The following DIP2C variants were observed in gnomAD, a reference collection of about 807,000 sequenced individuals.
The protein encoded by DIP2C is disco-interacting protein 2 homolog C.
DIP2C carries 33 observed loss-of-function variants against 192.4 expected under a neutral mutation model. That is an observed-to-expected ratio of 0.17 (90% CI 0.13 to 0.23). DIP2C has a LOEUF of 0.23. Among genes scored for constraint, DIP2C ranks in the 10% least tolerant of loss-of-function variants. DIP2C has a pLI of 1.00. For synonymous variants in DIP2C, 979 were observed against 864.1 expected (o/e 1.13, Z -2.33); for missense variants, 1,537 against 2,110.1 (o/e 0.73, Z 5.32).
At chr10:458,661 GT>G (rs1969504869) in intron 3 of DIP2C, among the ~76,000 whole-genome samples, 1 of 151,578 alleles carries the variant, frequency 6.6e-6, no homozygotes, top group Non-Finnish European at 1.5e-5. Context: ...CAAGGAGGAT[GT>G]CCTCTACATT....
intron 1 of DIP2C, among the ~76,000 whole-genome samples, chr10:573,652 C>T (rs1849962679): frequency 6.6e-6 from 1 of 152,150 alleles, no homozygotes; most frequent in Non-Finnish European, 1.5e-5. Context: ...TCAAGCAATC[C>T]GCCCGCCTCG....
intron 29 of DIP2C, among the ~76,000 whole-genome samples, chr10:331,482 T>C (rs1040453651): frequency 5.9e-5 from 9 of 152,216 alleles, no homozygotes; most frequent in African/African-American, 1.7e-4. Flanking sequence ...ATCAAAGATA[T>C]TCATGAAAAA....
At chr10:649,856 C>A in intron 1 of DIP2C, 1 of 518,916 alleles carries the variant, frequency 1.9e-6, no homozygotes. Context: ...GTAAGAGAAG[C>A]ATGCCTTATT....
At chr10:554,504 TAA>T (rs1564843841) in intron 1 of DIP2C, among the ~76,000 whole-genome samples, 2 of 152,240 alleles carry the variant, frequency 1.3e-5, no homozygotes, top group African/African-American at 4.8e-5. Flanking sequence ...TTATAAGTTA[TAA>T]AATAACTTAA....
chr10:306,741 G>T (rs532159397), intron 32 of DIP2C, among the ~76,000 whole-genome samples: 1 of 152,230 alleles, frequency 6.6e-6, no homozygotes, highest in Non-Finnish European at 1.5e-5. Flanking sequence ...TGGATCAGAA[G>T]AGGTGAGTCC....
At chr10:278,301 C>T (rs779824277) in intron 36 of DIP2C, among the ~76,000 whole-genome samples, 2 of 152,368 alleles carry the variant, frequency 1.3e-5, no homozygotes, top group African/African-American at 2.4e-5. Context: ...CTGTGCAGTG[C>T]GCCTGAGTGG....
intron 3 of DIP2C, among the ~76,000 whole-genome samples, chr10:460,445 T>C (rs893321762): frequency 6.6e-6 from 1 of 152,202 alleles, no homozygotes; most frequent in Non-Finnish European, 1.5e-5. Flanking sequence ...AGAGCTTTCA[T>C]AAGAATTCAT....
chr10:593,337 G>A (rs1457132485), intron 1 of DIP2C, among the ~76,000 whole-genome samples: 1 of 152,104 alleles, frequency 6.6e-6, no homozygotes, highest in Admixed American at 6.5e-5. Flanking sequence ...GTTTACCCCA[G>A]AGAGTCCCAA....
chr10:278,669 G>T (rs1329916667), intron 36 of DIP2C, among the ~76,000 whole-genome samples: 1 of 152,232 alleles, frequency 6.6e-6, no homozygotes, highest in East Asian at 1.9e-4. Context: ...CTGGAATATG[G>T]AAGATTCACT....
Position 390,273 on chromosome 10 carries a change from C to A in DIP2C, c.1485G>T (p.Ala495=), listed in dbSNP as rs749520167. The A allele has an allele frequency of 5.0e-6, 8 of 1,613,938 alleles. No homozygotes were observed. Among genetic ancestry groups the A allele is most frequent in the Non-Finnish European group, 6.8e-6 (8 of 1,179,964 alleles). ...PHIKDANNDT[A]YIEYKTCKDG... is the part of the protein sequence containing the mutation. ...GCCAAGGCTGACTCACCTCAATATA[C>A]GCAGTGTCGTTATTGGCATCTTTAA... The change falls in exon 12 of 37, where the codon GCG becomes GCT. Residue 495 remains alanine (A), a synonymous_variant. Coordinates refer to ENST00000280886, the MANE Select transcript of DIP2C (RefSeq NM_014974.3).
rs77449932 is a variant in DIP2C, at chr10:382,426, G to A, written c.1991+221C>T. 2,295 of 465,840 alleles carry A rather than the reference G, an allele frequency of 4.9e-3. 22 individuals are homozygous for A. Among genetic ancestry groups the A allele is most frequent in the East Asian group, 0.015 (414 of 27,464 alleles). The allele number at this position is 465,840 out of a possible 1,614,324, so 28.9% of individuals were successfully genotyped here. A position where few individuals can be genotyped will look rare whatever the true frequency, so the allele number is the denominator to read the frequency against. On this transcript the variant is annotated intron_variant, in intron 17 of 36. Coordinates refer to ENST00000280886, the MANE Select transcript of DIP2C (RefSeq NM_014974.3). ...CAGTTCCACTTATTAAGGAATTACC[G>A]TGAAACTGCAGAGAGCGATAAATGT...
intron 1 of DIP2C, among the ~76,000 whole-genome samples, chr10:629,506 A>G (rs1156611446): frequency 1.3e-5 from 2 of 152,204 alleles, no homozygotes; most frequent in African/African-American, 4.8e-5. Context: ...AGGTGGACAC[A>G]TGGTGCTTTA....
intron 31 of DIP2C, chr10:311,588 G>A: frequency 8.1e-7 from 1 of 1,232,394 alleles, no homozygotes; most frequent in Non-Finnish European, 1.0e-6. Context: ...GAAGGGTGAG[G>A]ACGAGAAGAG....
intron 8 of DIP2C, among the ~76,000 whole-genome samples, chr10:411,687 C>A (rs1211928744): frequency 4.6e-5 from 7 of 151,824 alleles, no homozygotes; most frequent in Non-Finnish European, 1.0e-4. Flanking sequence ...AATTCTCATT[C>A]GATACCAAAT....
chr10:340,089 G>A (rs1400904246), intron 29 of DIP2C, among the ~76,000 whole-genome samples: 1 of 151,954 alleles, frequency 6.6e-6, no homozygotes, highest in East Asian at 1.9e-4. Flanking sequence ...GCTGAGACAT[G>A]AGAATCGCTG....
intron 1 of DIP2C, among the ~76,000 whole-genome samples, chr10:490,473 C>T (rs539957066): frequency 1.5e-4 from 23 of 152,314 alleles, no homozygotes; most frequent in African/African-American, 4.1e-4. Flanking sequence ...GCGATGGGAA[C>T]GTCATCCAAG....
chr10:289,043 G>A (rs1443352299), intron 32 of DIP2C, among the ~76,000 whole-genome samples: 1 of 152,264 alleles, frequency 6.6e-6, no homozygotes, highest in Non-Finnish European at 1.5e-5. Context: ...TTTATTTTGA[G>A]GCCTTCACTA....
intron 1 of DIP2C, among the ~76,000 whole-genome samples, chr10:553,205 C>G (rs550167151): frequency 6.6e-6 from 1 of 152,340 alleles, no homozygotes; most frequent in East Asian, 1.9e-4. Context: ...CCCCTCTTCT[C>G]CCTCGTCCCT....
chr10:408,446 G>T (rs1382675525), intron 9 of DIP2C, among the ~76,000 whole-genome samples: 1 of 152,142 alleles, frequency 6.6e-6, no homozygotes, highest in East Asian at 1.9e-4. Flanking sequence ...CCCAGGCCAC[G>T]GTCTCCTGGA....
Sources: allele counts gnomAD v4.1 joint callset (sites outside exome capture counted in the v4.1 genomes callset), GRCh38; gene constraint gnomAD v4.1.1; transcripts MANE v1.5; gene names NCBI Gene and HGNC (gene_info 2026-07-23, HGNC 2026-07-21).